TIAM2: variants seen among roughly 807,000 people sequenced by gnomAD.
TIAM2 encodes rho guanine nucleotide exchange factor TIAM2.
Under a neutral mutation model 152.9 loss-of-function variants are expected in TIAM2, and 80 were observed. That is an observed-to-expected ratio of 0.52 (90% confidence interval 0.44 to 0.63). The LOEUF is 0.63. Ranked by LOEUF, TIAM2 falls within the 30% of genes least tolerant of loss-of-function variation. TIAM2 has a pLI of 0.00. For missense variants in TIAM2, 1,965 were observed against 2,120.1 expected (o/e 0.93, Z 1.44); for synonymous variants, 804 against 838.0 (o/e 0.96, Z 0.70).
intron 2 of TIAM2, among the ~76,000 whole-genome samples, chr6:155,108,626 A>T (rs1166434241): frequency 2.0e-5 from 3 of 152,196 alleles, no homozygotes; most frequent in Non-Finnish European, 4.4e-5. Flanking sequence ...CTCTCATTAG[A>T]TCAGGCCTGC....
At chr6:155,149,627 A>G (rs1402020747) in intron 7 of TIAM2, among the ~76,000 whole-genome samples, 3 of 152,194 alleles carry the variant, frequency 2.0e-5, no homozygotes, top group Non-Finnish European at 4.4e-5. Context: ...GTATATATGA[A>G]GAATTCAGCA....
chr6:155,256,925 GA>G lies in TIAM2; in HGVS notation c.4914del (p.Ala1639ProfsTer32). 1.9e-6 allele frequency: 3 copies of G among 1,614,164 alleles called. No individual in the cohort carries two copies. Among genetic ancestry groups the G allele is most frequent in the Non-Finnish European group, 2.5e-6 (3 of 1,180,030 alleles). On this transcript the variant is annotated frameshift_variant, in exon 27 of 27. Coordinates refer to ENST00000682666, the MANE Select transcript of TIAM2 (RefSeq NM_012454.4). LOFTEE classifies it high-confidence loss of function. ...CGGGGGCACTTCTGCCCCATTAAAC[GA>G]AAAGCCAACAGCACCAAGAGGGACA... The part of the protein sequence containing the change: ...LVRGHFCPIK[R>X]KANSTKRDRG...
chr6:155,158,216 T>A (rs1379970021), intron 7 of TIAM2, among the ~76,000 whole-genome samples: 3 of 152,192 alleles, frequency 2.0e-5, no homozygotes, highest in Non-Finnish European at 4.4e-5. Flanking sequence ...GGCAGGAATG[T>A]ACTTGTCATC....
chr6:155,219,570 T>C (rs1275631352), intron 15 of TIAM2, among the ~76,000 whole-genome samples: 1 of 152,242 alleles, frequency 6.6e-6, no homozygotes, highest in Non-Finnish European at 1.5e-5. Flanking sequence ...ACTGTGCTGT[T>C]TTTGTTGGAG....
At chr6:155,223,571 C>T (rs971876890) in intron 15 of TIAM2, among the ~76,000 whole-genome samples, 2 of 149,794 alleles carry the variant, frequency 1.3e-5, no homozygotes, top group African/African-American at 4.9e-5. Flanking sequence ...GATGCAAACC[C>T]AGGTTGTTAA....
intron 1 of TIAM2, among the ~76,000 whole-genome samples, chr6:155,013,237 T>A (rs1289914816): frequency 6.6e-6 from 1 of 152,032 alleles, no homozygotes; most frequent in Non-Finnish European, 1.5e-5. Flanking sequence ...CTCCTGCAGG[T>A]GTGTGTGCCA....
chr6:155,040,644 G>C (rs546273581), intron 1 of TIAM2, among the ~76,000 whole-genome samples: 1 of 151,996 alleles, frequency 6.6e-6, no homozygotes, highest in African/African-American at 2.4e-5. Context: ...TCAGCCTCCC[G>C]GGTAGCTGGG....
intron 5 of TIAM2, among the ~76,000 whole-genome samples, chr6:155,141,134 A>G (rs1413021554): frequency 6.6e-6 from 1 of 152,142 alleles, no homozygotes; most frequent in Non-Finnish European, 1.5e-5. Flanking sequence ...TGCTTGTAAA[A>G]CACTTCAAGA....
At position 155,191,429 on chromosome 6, in the gene TIAM2, C is replaced by T. The variant is rs113556187; in HGVS notation, c.3064+7929C>T. Among the ~76,000 whole-genome samples, 6 of 152,308 alleles carry T rather than the reference C, an allele frequency of 3.9e-5. 1 individual carries two copies. Among genetic ancestry groups the T allele is most frequent in the African/African-American group, 1.4e-4 (6 of 41,570 alleles). Reference sequence around the variant, plus strand: ...TCCTCCTACCCTGTTCTTAGCCATGCAGTGTCTCTTCCAGAGGTCATCATT... The same window carrying T: ...TCCTCCTACCCTGTTCTTAGCCATGTAGTGTCTCTTCCAGAGGTCATCATT... On this transcript the variant is annotated intron_variant, in intron 14 of 26. Coordinates refer to ENST00000682666, the MANE Select transcript of TIAM2 (RefSeq NM_012454.4).
Position 155,129,579 on chromosome 6 carries a change from T to C in TIAM2, c.356T>C (p.Val119Ala). The change falls in exon 4 of 27, where the codon GTT (valine) becomes GCT (alanine). Residue 119 changes from valine to alanine, a missense_variant. Val to Ala is a moderately conservative substitution (Grantham distance 64). Around this residue, in one of 3 missense-constraint regions of TIAM2, gnomAD observed 1,025 missense variants for 1,119.4 expected, o/e 0.92. Coordinates refer to ENST00000682666, the MANE Select transcript of TIAM2 (RefSeq NM_012454.4). The surrounding 1 kb of genome is among the most constrained non-coding windows in gnomAD (Gnocchi z 4.8). ...TCAACTGAGAATGGCTTCCACTCTGTTGGCCACGAGCTGGCAGATAACCAC... is the reference window on the plus strand; with the variant it reads ...TCAACTGAGAATGGCTTCCACTCTGCTGGCCACGAGCTGGCAGATAACCAC... Reference protein sequence around the residue: ...AFSTENGFHSVGHELADNHIT... With the variant: ...AFSTENGFHSAGHELADNHIT... The C allele has an allele frequency of 6.2e-7, 1 of 1,614,148 alleles. No homozygotes were observed. Among genetic ancestry groups the C allele is most frequent in the South Asian group, 1.1e-5 (1 of 91,070 alleles).
chr6:155,029,605 A>G (rs1485667455), intron 1 of TIAM2, among the ~76,000 whole-genome samples: 1 of 99,296 alleles, frequency 1.0e-5, no homozygotes, highest in African/African-American at 4.3e-5. Context: ...ATATAGTTAT[A>G]TAACTCTGTA....
intron 1 of TIAM2, among the ~76,000 whole-genome samples, chr6:155,004,087 G>A (rs2114839376): frequency 6.6e-6 from 1 of 152,346 alleles, no homozygotes; most frequent in African/African-American, 2.4e-5. Context: ...CTGTTGGCCA[G>A]GCTGTCCTGA....
At chr6:155,209,520 G>T (rs1781673169) in intron 14 of TIAM2, among the ~76,000 whole-genome samples, 1 of 152,174 alleles carries the variant, frequency 6.6e-6, no homozygotes, top group Non-Finnish European at 1.5e-5. Context: ...CTGCCTCTGT[G>T]TTGTGGCATT....
chr6:155,120,908 C>G (rs1395807584), intron 2 of TIAM2, among the ~76,000 whole-genome samples: 1 of 152,088 alleles, frequency 6.6e-6, no homozygotes, highest in Non-Finnish European at 1.5e-5. Flanking sequence ...AAGGTTGTAC[C>G]AGTTCAATGC....
At chr6:155,212,676 C>T (rs372135191) in intron 15 of TIAM2, among the ~76,000 whole-genome samples, 1 of 143,746 alleles carries the variant, frequency 7.0e-6, no homozygotes, top group Non-Finnish European at 1.5e-5. Context: ...AAGTTTTGCT[C>T]GGGCCCACTA....
At chr6:155,143,905 A>G (rs1372936419) in intron 5 of TIAM2, among the ~76,000 whole-genome samples, 1 of 152,176 alleles carries the variant, frequency 6.6e-6, no homozygotes, top group Non-Finnish European at 1.5e-5. Context: ...AAGCTGAGTC[A>G]TGCAAGAAGC....
At chr6:155,100,023 C>T (rs555660714) in intron 2 of TIAM2, among the ~76,000 whole-genome samples, 41 of 148,952 alleles carry the variant, frequency 2.8e-4, no homozygotes, top group African/African-American at 9.1e-4. Flanking sequence ...ATCATAATCA[C>T]GTGGAACCAC....
At chr6:155,051,657 T>A (rs892281469) in intron 1 of TIAM2, among the ~76,000 whole-genome samples, 1 of 152,098 alleles carries the variant, frequency 6.6e-6, no homozygotes, top group Non-Finnish European at 1.5e-5. Context: ...TTATTGTTTT[T>A]TTTTGAGATG....
intron 1 of TIAM2, among the ~76,000 whole-genome samples, chr6:155,036,556 C>T (rs1776925567): frequency 6.7e-6 from 1 of 150,064 alleles, no homozygotes; most frequent in African/African-American, 2.4e-5. Context: ...CTCAAAGGTC[C>T]TTGTTGGCTC....
Sources: gnomAD v4.1 joint callset for allele counts (sites outside exome capture counted in the v4.1 genomes callset) on GRCh38, gnomAD v4.1.1 for gene constraint, gnomAD v4.1.1 regional missense constraint, Gnocchi (gnomAD v3.1) non-coding constraint, MANE v1.5 for transcripts, NCBI Gene and HGNC (gene_info 2026-07-23, HGNC 2026-07-21) for gene names.